The following ST6GALNAC5 variants were observed in gnomAD, a reference collection of about 807,000 sequenced individuals.
ST6GALNAC5 encodes the protein ST6 N-acetylgalactosaminide alpha-2,6-sialyltransferase 5.
In ST6GALNAC5, 27 loss-of-function variants were observed where a neutral mutation model predicts 33.6. That is an observed-to-expected ratio of 0.80 (90% confidence interval 0.59 to 1.11). ST6GALNAC5 has a LOEUF of 1.11. Ranked by LOEUF, ST6GALNAC5 falls within the 50% of genes least tolerant of loss-of-function variation. The probability of loss-of-function intolerance (pLI) is 0.00; values close to 1 mark genes in which losing one functional copy is unlikely to be tolerated. For synonymous variants in ST6GALNAC5, 194 were observed against 171.2 expected (o/e 1.13, Z -1.04); for missense variants, 428 against 454.0 (o/e 0.94, Z 0.52).
At chr1:76,911,910 A>T (rs143234270) in intron 2 of ST6GALNAC5, among the ~76,000 whole-genome samples, 91,577 of 151,498 alleles carry the variant, frequency 0.6, 28,263 homozygotes, top group African/African-American at 0.72. Context: ...AGGGCTTTTT[A>T]CGTCTCTATT....
intron 2 of ST6GALNAC5, among the ~76,000 whole-genome samples, chr1:76,939,715 C>G: frequency 6.6e-6 from 1 of 152,038 alleles, no homozygotes; most frequent in East Asian, 1.9e-4. Context: ...TACATTAGAC[C>G]TTCATTCATT....
intron 2 of ST6GALNAC5, among the ~76,000 whole-genome samples, chr1:76,886,600 C>T (rs1653901597): frequency 2.0e-5 from 3 of 152,132 alleles, no homozygotes; most frequent in South Asian, 2.1e-4. Flanking sequence ...TTCATTTTGC[C>T]GCCTGAGCTC....
At chr1:77,061,535 G>C (rs1401176816) in intron 4 of ST6GALNAC5, among the ~76,000 whole-genome samples, 2 of 152,192 alleles carry the variant, frequency 1.3e-5, no homozygotes, top group African/African-American at 4.8e-5. Context: ...AGGGCATCAG[G>C]CTCTGAAAGA....
Position 77,044,225 on chromosome 1 carries a change from G to C in ST6GALNAC5, c.283G>C (p.Asp95His). Residue 95 changes from aspartate to histidine, a missense_variant, in exon 3 of 5, where the codon GAC (aspartate) becomes CAC (histidine). By Grantham distance (81) the Asp-to-His change is moderately conservative (BLOSUM62 -1). Coordinates refer to ENST00000477717, the MANE Select transcript of ST6GALNAC5 (RefSeq NM_030965.3). ...DHKPLKMHCR[D>H]CALVTSSGHL... ...CCAGCCCCTGAAAATGCACTGCAGG[G>C]ACTGTGCCCTGGTGACCAGCTCAGG... is the stretch of plus-strand genomic sequence containing the variant. 6.2e-7 allele frequency: 1 copy of C among 1,611,090 alleles called. No individual in the cohort carries two copies. The highest frequency in any genetic ancestry group is 8.5e-7 in the Non-Finnish European group (1 of 1,178,386).
intron 2 of ST6GALNAC5, among the ~76,000 whole-genome samples, chr1:76,949,907 G>T (rs1647677746): frequency 1.3e-5 from 2 of 152,142 alleles, no homozygotes; most frequent in South Asian, 4.1e-4. Context: ...CGCTGAGCTA[G>T]CCTCTCCAAA....
chr1:76,962,866 CA>C (rs1452704506), intron 2 of ST6GALNAC5, among the ~76,000 whole-genome samples: 4 of 152,050 alleles, frequency 2.6e-5, no homozygotes, highest in Non-Finnish European at 5.9e-5. Flanking sequence ...CTATTGACTC[CA>C]AAACTAAAGG....
chr1:76,910,044 A>G (rs1425987048), intron 2 of ST6GALNAC5, among the ~76,000 whole-genome samples: 2 of 152,082 alleles, frequency 1.3e-5, no homozygotes, highest in East Asian at 3.8e-4. Flanking sequence ...AACAAATTTT[A>G]AGGAAAAATA....
chr1:76,974,207 CT>C (rs766393000), intron 2 of ST6GALNAC5, among the ~76,000 whole-genome samples: 3,299 of 120,274 alleles, frequency 0.027, 85 homozygotes, highest in African/African-American at 0.084. Flanking sequence ...TTGCTTTTCA[CT>C]TTTTTTTTTT....
chr1:77,016,855 C>T (rs1419851107), intron 2 of ST6GALNAC5, among the ~76,000 whole-genome samples: 1 of 152,160 alleles, frequency 6.6e-6, no homozygotes, highest in African/African-American at 2.4e-5. Flanking sequence ...CTTCAATCTT[C>T]CCTTTTTAAT....
intron 2 of ST6GALNAC5, among the ~76,000 whole-genome samples, chr1:76,881,397 A>G (rs1401446185): frequency 6.6e-6 from 1 of 152,198 alleles, no homozygotes; most frequent in Admixed American, 6.5e-5. Context: ...TAGACAGCCC[A>G]TCTGCAGTGA....
chr1:76,875,257 T>G (rs1653611595), intron 2 of ST6GALNAC5, among the ~76,000 whole-genome samples: 1 of 152,156 alleles, frequency 6.6e-6, no homozygotes, highest in Admixed American at 6.5e-5. Flanking sequence ...TTTTTCCTGG[T>G]GGAGTGACCC....
chr1:76,988,150 C>T (rs1376953319), intron 2 of ST6GALNAC5, among the ~76,000 whole-genome samples: 1 of 152,018 alleles, frequency 6.6e-6, no homozygotes, highest in Non-Finnish European at 1.5e-5. Flanking sequence ...TCTTCTGCTT[C>T]TTTGATTCTA....
rs936776568 is a variant in ST6GALNAC5 at position 76,867,632 on chromosome 1, C to G, written c.-44C>G. On this transcript the variant is annotated 5_prime_UTR_variant, in exon 1 of 5. Coordinates refer to ENST00000477717, the MANE Select transcript of ST6GALNAC5 (RefSeq NM_030965.3). ...GAAACCCTCCAGGAAAAAGTGGCCC[C>G]GGACGCGCGAGCCTGAGGATTCTGC... The G allele has an allele frequency of 6.2e-7, 1 of 1,614,114 alleles. No homozygotes were observed. Among genetic ancestry groups the G allele is most frequent in the African/African-American group, 1.3e-5 (1 of 75,044 alleles).
chr1:77,044,892 G>A (rs1651956885), intron 3 of ST6GALNAC5, among the ~76,000 whole-genome samples: 1 of 152,156 alleles, frequency 6.6e-6, no homozygotes, highest in Non-Finnish European at 1.5e-5. Context: ...GGTTAAAAGT[G>A]CAGTATAACA....
chr1:76,995,284 G>C (rs1649885249), intron 2 of ST6GALNAC5, among the ~76,000 whole-genome samples: 1 of 152,136 alleles, frequency 6.6e-6, no homozygotes, highest in South Asian at 2.1e-4. Context: ...TGTAGTCCCA[G>C]ATACTTGGGA....
At chr1:76,946,897 C>T (rs111728771) in intron 2 of ST6GALNAC5, among the ~76,000 whole-genome samples, 11 of 152,016 alleles carry the variant, frequency 7.2e-5, no homozygotes, top group Admixed American at 1.3e-4. Flanking sequence ...TAAGTAGATA[C>T]GATTTATATG....
At chr1:76,960,809 C>T (rs556336151) in intron 2 of ST6GALNAC5, among the ~76,000 whole-genome samples, 62 of 152,276 alleles carry the variant, frequency 4.1e-4, no homozygotes, top group South Asian at 1.7e-3. Flanking sequence ...TTAAGGTTAC[C>T]TCTCTTGTTT....
intron 2 of ST6GALNAC5, among the ~76,000 whole-genome samples, chr1:76,965,453 G>A (rs1292584035): frequency 1.3e-5 from 2 of 151,854 alleles, no homozygotes; most frequent in African/African-American, 4.8e-5. Context: ...CTTTTTGATG[G>A]GGTTGTTTTC....
At chr1:76,875,701 G>A (rs777739978) in intron 2 of ST6GALNAC5, among the ~76,000 whole-genome samples, 28 of 152,222 alleles carry the variant, frequency 1.8e-4, no homozygotes, top group Non-Finnish European at 3.4e-4. Flanking sequence ...GAGTGGTTCC[G>A]CTTCCACTTC....
Sources: gnomAD v4.1 joint callset for allele counts (sites outside exome capture counted in the v4.1 genomes callset) on GRCh38, gnomAD v4.1.1 for gene constraint, MANE v1.5 for transcripts, NCBI Gene and HGNC (gene_info 2026-07-23, HGNC 2026-07-21) for gene names.